The following COX4I2 variants were observed in gnomAD, a reference collection of about 807,000 sequenced individuals.
The protein encoded by COX4I2 is cytochrome c oxidase subunit 4 isoform 2, mitochondrial.
In COX4I2, 15 loss-of-function variants were observed where a neutral mutation model predicts 20.8. That is an observed-to-expected ratio of 0.72 (90% confidence interval 0.48 to 1.11). The LOEUF is 1.11. Ranked by LOEUF, COX4I2 falls within the 50% of genes most tolerant of loss-of-function variation. COX4I2 has a pLI of 0.00. For synonymous variants in COX4I2, 80 were observed against 78.1 expected (o/e 1.02, Z -0.13); for missense variants, 224 against 223.0 (o/e 1.00, Z -0.03).
In COX4I2 at chr20:31,639,075, G is replaced by A. The variant is rs1320120236; in HGVS notation, c.58G>A (p.Gly20Arg). Reference protein sequence around the residue: ...VLRKGGGGRRGMHSSEGTTRG... With the variant: ...VLRKGGGGRRRMHSSEGTTRG... ...GAGGAAAGGTGGAGGTGGAAGACGA[G>A]GGATGCACAGCTCAGAAGGCACCAG... The change falls in exon 2 of 5, where the codon GGG becomes AGG. Residue 20 changes from glycine to arginine, a missense_variant. By Grantham distance (125) the Gly-to-Arg change is moderately radical (BLOSUM62 -2). Coordinates refer to ENST00000376075, the MANE Select transcript of COX4I2 (RefSeq NM_032609.3). 6.2e-7 allele frequency: 1 copy of A among 1,612,136 alleles called. No homozygotes were observed. Among genetic ancestry groups the A allele is most frequent in the Non-Finnish European group, 8.5e-7 (1 of 1,179,310 alleles).
intron 4 of COX4I2, 45 bp from the exon 5 acceptor site, chr20:31,644,723 A>G (rs752540062): frequency 9.9e-6 from 16 of 1,612,382 alleles, no homozygotes; most frequent in Non-Finnish European, 1.3e-5. Flanking sequence ...TGGCTGGTGT[A>G]GGAAGACTGG....
At chr20:31,643,304 A>G in intron 3 of COX4I2, 100 bp from the exon 4 acceptor site, 1 of 1,407,396 alleles carries the variant, frequency 7.1e-7, no homozygotes. Context: ...GCTCAGTAAG[A>G]ATTTGCTGAA....
intron 2 of COX4I2, 43 bp from the exon 3 acceptor site, chr20:31,639,890 C>T: frequency 1.2e-6 from 2 of 1,611,804 alleles, no homozygotes; most frequent in South Asian, 2.2e-5. Flanking sequence ...GATAGGGTGT[C>T]CCAAGGGCAG....
rs959948394 is a variant in COX4I2, at chr20:31,644,847, T to C, written c.459T>C (p.Asn153=). Reference sequence around the variant, plus strand: ...AGCGCATGCTGGACATGAAGGTGAATCCTGTGCAGGGCCTGGCCTCCCGCT... The same window carrying C: ...AGCGCATGCTGGACATGAAGGTGAACCCTGTGCAGGGCCTGGCCTCCCGCT... The part of the protein sequence containing the change: ...QLQRMLDMKV[N]PVQGLASRWD... The change falls in exon 5 of 5, where the codon AAT becomes AAC. Residue 153 remains asparagine, a synonymous_variant. Coordinates refer to ENST00000376075, the MANE Select transcript of COX4I2 (RefSeq NM_032609.3). 6.2e-7 allele frequency: 1 copy of C among 1,613,884 alleles called. No homozygotes were observed. The highest frequency in any genetic ancestry group is 1.3e-5 in the African/African-American group (1 of 74,878).
chr20:31,642,105 G>A (rs148692873), intron 3 of COX4I2, among the ~76,000 whole-genome samples: 4 of 152,024 alleles, frequency 2.6e-5, no homozygotes, highest in Non-Finnish European at 4.4e-5. Context: ...CTCCTGCCTC[G>A]GCCTCCCAAA....
At chr20:31,644,501 G>C (rs1297014835) in intron 4 of COX4I2, among the ~76,000 whole-genome samples, 1 of 152,182 alleles carries the variant, frequency 6.6e-6, no homozygotes, top group Non-Finnish European at 1.5e-5. Context: ...GAGTTGTGAA[G>C]GACCTTGGCC....
At position 31,643,428 on chromosome 20, in the gene COX4I2, C is replaced by G; in HGVS notation, c.272C>G (p.Thr91Ser). ...GTGTACCGGCTCCAGTTCAATGAGA[C>G]CTTTGCGGAGATGAACCGTCGCTCC... ...VALYRLQFNE[T>S]FAEMNRRSNE... The change falls in exon 4 of 5, where the codon ACC (threonine) becomes AGC (serine). Residue 91 changes from threonine (T) to serine (S), a missense_variant. Transcript: ENST00000376075. 2 of 1,614,170 alleles carry G rather than the reference C, an allele frequency of 1.2e-6. No individual in the cohort carries two copies. Among genetic ancestry groups the G allele is most frequent in the African/African-American group, 2.7e-5 (2 of 75,052 alleles).
chr20:31,641,363 GA>G (rs570887265), intron 3 of COX4I2, among the ~76,000 whole-genome samples: 8,151 of 96,482 alleles, frequency 0.084, 711 homozygotes, highest in African/African-American at 0.26. Context: ...GACCCTGTCT[GA>G]AAAAAAAAAA....
intron 2 of COX4I2, chr20:31,639,386 T>C: frequency 1.5e-6 from 1 of 653,330 alleles, no homozygotes; most frequent in East Asian, 1.4e-4. Context: ...TGACAGAACC[T>C]TGGACCCTGA....
intron 3 of COX4I2, among the ~76,000 whole-genome samples, chr20:31,643,077 T>C (rs2122335125): frequency 6.6e-6 from 1 of 152,316 alleles, no homozygotes; most frequent in East Asian, 1.9e-4. Context: ...CTTCAGGGTT[T>C]TTGCACTTCC....
rs1345678770 is a variant in COX4I2 at position 31,643,275 on chromosome 20, T to TG, written c.248-128dup. On this transcript the variant is annotated intron_variant, in intron 3 of 4. Transcript: ENST00000376075. ...CACTGCTGTCACCTGTTCCTGGTCA[T>TG]GCTGTGCATATAGTACGTGCTCAGT... 3.9e-5 allele frequency: 42 copies of TG among 1,071,422 alleles called. No homozygotes were observed. In the African/African-American group the frequency reaches 6.2e-4, roughly 16 times the overall value. 66.4% of individuals were successfully genotyped at this position (1,071,422 alleles called of 1,614,324 possible).
chr20:31,642,090 C>T (rs1176726789), intron 3 of COX4I2, among the ~76,000 whole-genome samples: 1 of 152,162 alleles, frequency 6.6e-6, no homozygotes, highest in African/African-American at 2.4e-5. Context: ...TGGGCTCAAG[C>T]AATTCTCCTG....
intron 2 of COX4I2, among the ~76,000 whole-genome samples, chr20:31,639,730 G>A (rs2060455655): frequency 1.3e-5 from 2 of 151,850 alleles, no homozygotes; most frequent in Admixed American, 6.6e-5. Flanking sequence ...GCTAATTTTT[G>A]TATTTTTAGT....
intron 1 of COX4I2, among the ~76,000 whole-genome samples, chr20:31,638,218 G>A (rs1289157455): frequency 6.6e-6 from 1 of 151,964 alleles, no homozygotes; most frequent in African/African-American, 2.4e-5. Flanking sequence ...ACTGGCCGGA[G>A]CCCCTCTTTT....
chr20:31,644,997 C>T lies in COX4I2; in HGVS notation c.*93C>T. 1.4e-6 allele frequency: 2 copies of T among 1,437,974 alleles called. No homozygotes were observed. The highest frequency in any genetic ancestry group is 1.9e-6 in the Non-Finnish European group (2 of 1,055,252). The allele number at this position is 1,437,974 out of a possible 1,614,324, so 89.1% of individuals were successfully genotyped here. A position where few individuals can be genotyped will look rare whatever the true frequency, so the allele number is the denominator to read the frequency against. On this transcript the variant is annotated 3_prime_UTR_variant, in exon 5 of 5. Coordinates refer to ENST00000376075, the MANE Select transcript of COX4I2 (RefSeq NM_032609.3). ...CCTGCCCTTAACCCCAGTAAAGCTC[C>T]AAAAAAAAATTTATTCTCTTCTGCC... is the stretch of plus-strand genomic sequence containing the variant.
chr20:31,639,432 A>G (rs2060453880), intron 2 of COX4I2, among the ~76,000 whole-genome samples: 1 of 152,138 alleles, frequency 6.6e-6, no homozygotes, highest in South Asian at 2.1e-4. Flanking sequence ...AATGCTAGTA[A>G]GAAGAAAGAG....
chr20:31,640,267 G>A (rs1399586042), intron 3 of COX4I2, among the ~76,000 whole-genome samples, 170 bp downstream of exon 3: 1 of 152,162 alleles, frequency 6.6e-6, no homozygotes, highest in Non-Finnish European at 1.5e-5. Context: ...TCACTCACCT[G>A]TTTGTGCATA....
In COX4I2 at chr20:31,638,892, C is replaced by T. The variant is rs2060451087; in HGVS notation, c.1-126C>T. On this transcript the variant is annotated intron_variant, in intron 1 of 4. Transcript: ENST00000376075. ...AGAAGGGTCAAGGGCATGAGGGTGA[C>T]CTTGAAACACTGGGACACCCCTACC... 4.9e-6 allele frequency: 5 copies of T among 1,022,160 alleles called. No individual in the cohort carries two copies. In the South Asian group the frequency reaches 6.9e-5, roughly 14 times the overall value. 63.3% of individuals were successfully genotyped at this position (1,022,160 alleles called of 1,614,324 possible).
At chr20:31,643,279 G>T in intron 3 of COX4I2, 125 bp from the exon 4 acceptor site, 3 of 1,103,466 alleles carry the variant, frequency 2.7e-6, no homozygotes, top group Non-Finnish European at 4.2e-6. Context: ...TGGTCATGCT[G>T]TGCATATAGT....
Sources: allele counts gnomAD v4.1 joint callset (sites outside exome capture counted in the v4.1 genomes callset), GRCh38; gene constraint gnomAD v4.1.1; transcripts MANE v1.5; gene names NCBI Gene and HGNC (gene_info 2026-07-23, HGNC 2026-07-21).